PRKCA: variants seen among roughly 807,000 people sequenced by gnomAD.
The protein encoded by PRKCA is protein kinase C alpha type.
In PRKCA, 27 loss-of-function variants were observed where a neutral mutation model predicts 87.0. The ratio of observed to expected loss-of-function variants is 0.31; its 90% CI spans 0.23 to 0.43. The LOEUF (loss-of-function observed/expected upper bound fraction) is 0.43, where lower values mean the gene tolerates loss of function less well. PRKCA is among the 20% of genes least tolerant of loss of function. The pLI is 1.00. For synonymous variants in PRKCA, 329 were observed against 311.1 expected (o/e 1.06, Z -0.61); for missense variants, 518 against 852.3 (o/e 0.61, Z 4.88).
intron 3 of PRKCA, among the ~76,000 whole-genome samples, chr17:66,580,330 G>C (rs991245669): frequency 2.0e-5 from 3 of 152,166 alleles, no homozygotes. Flanking sequence ...ATCTGTGCAC[G>C]ACCTGCTGGT....
chr17:66,470,876 G>A (rs1330652480), intron 2 of PRKCA, among the ~76,000 whole-genome samples: 1 of 152,150 alleles, frequency 6.6e-6, no homozygotes, highest in African/African-American at 2.4e-5. Context: ...CTGATTAGAC[G>A]ACAACTAGCA....
At chr17:66,685,089 G>A (rs1411148493) in intron 5 of PRKCA, among the ~76,000 whole-genome samples, 1 of 152,168 alleles carries the variant, frequency 6.6e-6, no homozygotes, top group African/African-American at 2.4e-5. Context: ...CAACCCTATA[G>A]ATTCCAGCAT....
chr17:66,467,701 G>C (rs1260574047), intron 2 of PRKCA, among the ~76,000 whole-genome samples: 1 of 152,062 alleles, frequency 6.6e-6, no homozygotes, highest in African/African-American at 2.4e-5. Flanking sequence ...GGGACCACAG[G>C]TGCATGCTAG....
intron 11 of PRKCA, among the ~76,000 whole-genome samples, chr17:66,739,805 G>C (rs1974118102): frequency 1.3e-5 from 2 of 152,116 alleles, no homozygotes; most frequent in South Asian, 4.2e-4. Context: ...TCTGGGTGAA[G>C]AGCCTGGTAA....
chr17:66,682,001 T>C (rs1972507555), intron 5 of PRKCA, among the ~76,000 whole-genome samples: 1 of 152,226 alleles, frequency 6.6e-6, no homozygotes, highest in Admixed American at 6.5e-5. Context: ...TGCCATCTAC[T>C]GTGGTGCACC....
chr17:66,434,006 G>A (rs954162951), intron 2 of PRKCA, among the ~76,000 whole-genome samples: 4 of 152,080 alleles, frequency 2.6e-5, no homozygotes, highest in South Asian at 2.1e-4. Flanking sequence ...TAGGGCGCAC[G>A]GAGGTGAATC....
intron 2 of PRKCA, among the ~76,000 whole-genome samples, chr17:66,368,358 G>GTGTATATATATATATATATA (rs1908864169): frequency 2.3e-5 from 1 of 42,572 alleles, no homozygotes; most frequent in African/African-American, 9.5e-5. Context: ...GTGTGTGTGT[G>GTGTATATATATATATATATA]TATATGTATA....
chr17:66,588,071 C>A (rs2143518065), intron 3 of PRKCA, among the ~76,000 whole-genome samples: 1 of 151,954 alleles, frequency 6.6e-6, no homozygotes, highest in Admixed American at 6.6e-5. Context: ...GTGTCTGAAC[C>A]AATTTACATT....
chr17:66,721,936 C>G (rs963042864), intron 8 of PRKCA, among the ~76,000 whole-genome samples: 2 of 152,116 alleles, frequency 1.3e-5, no homozygotes, highest in Non-Finnish European at 2.9e-5. Flanking sequence ...GAACACCTCT[C>G]ACAATTAGAC....
intron 2 of PRKCA, among the ~76,000 whole-genome samples, chr17:66,491,900 C>A (rs1216175236): frequency 6.6e-6 from 1 of 152,248 alleles, no homozygotes; most frequent in Non-Finnish European, 1.5e-5. Context: ...TTCCCAGGCA[C>A]ATGCTGCATG....
intron 2 of PRKCA, among the ~76,000 whole-genome samples, chr17:66,424,568 A>AACAC (rs141074503): frequency 0.11 from 15,137 of 141,986 alleles, 1,080 homozygotes; most frequent in East Asian, 0.25. Flanking sequence ...CCCTGTCTCA[A>AACAC]ACACACACAC....
intron 8 of PRKCA, among the ~76,000 whole-genome samples, chr17:66,731,087 A>C (rs3889537): frequency 6.6e-6 from 1 of 152,026 alleles, no homozygotes; most frequent in Middle Eastern, 3.4e-3. Context: ...GTGGTGGCTC[A>C]TGCCTGTAAT....
At chr17:66,714,043 C>G (rs191508897) in intron 8 of PRKCA, among the ~76,000 whole-genome samples, 23 of 152,238 alleles carry the variant, frequency 1.5e-4, no homozygotes, top group African/African-American at 5.1e-4. Flanking sequence ...ATTTAGACTC[C>G]CTGGCTCTCT....
chr17:66,537,954 C>T (rs183619064), intron 3 of PRKCA, among the ~76,000 whole-genome samples: 69 of 152,192 alleles, frequency 4.5e-4, no homozygotes, highest in African/African-American at 1.2e-3. Context: ...TACAGGTTCA[C>T]GCCACCATGC....
At chr17:66,488,874 T>A (rs9906925) in intron 2 of PRKCA, among the ~76,000 whole-genome samples, 9,264 of 152,288 alleles carry the variant, frequency 0.061, 846 homozygotes, top group African/African-American at 0.2. Flanking sequence ...GAAGACTGTT[T>A]TCATTGTTAC....
intron 3 of PRKCA, among the ~76,000 whole-genome samples, chr17:66,531,683 TTC>T (rs1404369517): frequency 1.3e-5 from 2 of 152,186 alleles, no homozygotes; most frequent in Non-Finnish European, 2.9e-5. Flanking sequence ...GCTGTCTCCC[TTC>T]AAGGGTTAAA....
At chr17:66,718,148 A>G (rs1973522700) in intron 8 of PRKCA, among the ~76,000 whole-genome samples, 1 of 151,650 alleles carries the variant, frequency 6.6e-6, no homozygotes, top group Non-Finnish European at 1.5e-5. Flanking sequence ...TGCATGGCTT[A>G]CAAACTGCAT....
At chr17:66,752,918 G>C (rs866857194) in intron 13 of PRKCA, among the ~76,000 whole-genome samples, 1 of 152,176 alleles carries the variant, frequency 6.6e-6, no homozygotes, top group African/African-American at 2.4e-5. Context: ...AGACAGTGAG[G>C]ACCAGGCAAG....
intron 3 of PRKCA, among the ~76,000 whole-genome samples, chr17:66,536,613 AG>A (rs1252908033): frequency 6.6e-6 from 1 of 152,208 alleles, no homozygotes. Flanking sequence ...GAGCTGCAGA[AG>A]GGGGGATGCT....
Sources: allele counts gnomAD v4.1 joint callset (sites outside exome capture counted in the v4.1 genomes callset), GRCh38; gene constraint gnomAD v4.1.1; transcripts MANE v1.5; gene names NCBI Gene and HGNC (gene_info 2026-07-23, HGNC 2026-07-21).